TGS1: variants seen among roughly 807,000 people sequenced by gnomAD.
TGS1 encodes trimethylguanosine synthase.
In TGS1, 69 loss-of-function variants were observed where a neutral mutation model predicts 92.2. That is an observed-to-expected ratio of 0.75 (90% CI 0.62 to 0.91). The LOEUF is 0.91. TGS1 is among the 40% of genes least tolerant of loss of function. The pLI, the probability that TGS1 is intolerant of heterozygous loss-of-function variation, is 0.00. For missense variants in TGS1, 1,062 were observed against 1,001.2 expected (o/e 1.06, Z -0.82); for synonymous variants, 345 against 338.1 (o/e 1.02, Z -0.22).
Position 55,816,325 on chromosome 8 carries a change from G to A in TGS1, c.2439+3207G>A, listed in dbSNP as rs1408494657. On this transcript the variant is annotated intron_variant, in intron 12 of 12. Transcript: ENST00000260129. ...AGACAAGGACTTAGTCCTTCCCAAA[G>A]GAAGATGCAGGCAGCAATTATCAAA... 1.3e-5 allele frequency among the ~76,000 whole-genome samples: 2 copies of A among 152,152 alleles called. 1 individual carries two copies. Among genetic ancestry groups the A allele is most frequent in the South Asian group, 4.1e-4 (2 of 4,834 alleles).
chr8:55,775,187 C>G (rs2130087994), intron 1 of TGS1, among the ~76,000 whole-genome samples: 1 of 151,384 alleles, frequency 6.6e-6, no homozygotes, highest in South Asian at 2.1e-4. Context: ...CCAGGAGATC[C>G]AGGCTGCAGT....
intron 3 of TGS1, 55 bp downstream of exon 3, chr8:55,785,946 T>C: frequency 7.0e-7 from 1 of 1,420,532 alleles, no homozygotes; most frequent in Admixed American, 2.0e-5. Flanking sequence ...TTATAAAATA[T>C]CGCAAGGAAT....
rs1241941809 is a variant in TGS1 at position 55,790,370 on chromosome 8, T to C, written c.1280+71T>C. On this transcript the variant is annotated intron_variant, in intron 5 of 12. Coordinates refer to ENST00000260129, the MANE Select transcript of TGS1 (RefSeq NM_024831.8). ...ATTTGTATGCATAAGCCAGTGGTTA[T>C]TAAATGATTGTTATGTTCACAACAC... is the stretch of plus-strand genomic sequence containing the variant. The C allele has an allele frequency of 6.3e-6, 6 of 952,346 alleles. No homozygotes were observed. The Admixed American group carries it at 1.1e-4, about 17-fold the overall frequency. The allele number at this position is 952,346 out of a possible 1,614,324, so 59.0% of individuals were successfully genotyped here. A position where few individuals can be genotyped will look rare whatever the true frequency, so the allele number is the denominator to read the frequency against.
At chr8:55,794,164 C>A (rs1206416748) in intron 6 of TGS1, among the ~76,000 whole-genome samples, 1 of 152,124 alleles carries the variant, frequency 6.6e-6, no homozygotes, top group Admixed American at 6.5e-5. Context: ...ATTACATGTG[C>A]CTGCCTGCCT....
intron 10 of TGS1, among the ~76,000 whole-genome samples, chr8:55,805,745 A>G (rs1812347395): frequency 6.6e-6 from 1 of 152,048 alleles, no homozygotes; most frequent in Non-Finnish European, 1.5e-5. Context: ...TTAGCTGGGC[A>G]TGGTGGCATG....
chr8:55,811,260 C>A (rs12155650), intron 11 of TGS1, among the ~76,000 whole-genome samples, 163 bp downstream of exon 11: 2 of 151,372 alleles, frequency 1.3e-5, no homozygotes, highest in Non-Finnish European at 2.9e-5. Context: ...GTCAGGAGTT[C>A]GAGACCAGCC....
chr8:55,804,188 C>A (rs980318095), intron 9 of TGS1, among the ~76,000 whole-genome samples: 1 of 152,142 alleles, frequency 6.6e-6, no homozygotes, highest in Non-Finnish European at 1.5e-5. Context: ...TGCCTGTAAT[C>A]CCAGCACTTT....
rs1563450277 is a variant in TGS1 at position 55,782,150 on chromosome 8, ATTTATTTATTT to A, written c.102-597_102-587del. 7.5e-3 allele frequency among the ~76,000 whole-genome samples: 1,095 copies of A among 145,914 alleles called. 7 individuals are homozygous for A. Among genetic ancestry groups the A allele is most frequent in the African/African-American group, 0.02 (818 of 40,704 alleles). Reference sequence around the variant, plus strand: ...AGATGTCCAGAAGAACTTACACTTTATTTATTTATTTATTTATTTATTTATTTATTTATTTA... The same window carrying A: ...AGATGTCCAGAAGAACTTACACTTTAATTTATTTATTTATTTATTTATTTA... On this transcript the variant is annotated intron_variant, in intron 1 of 12. Coordinates refer to ENST00000260129, the MANE Select transcript of TGS1 (RefSeq NM_024831.8).
intron 10 of TGS1, among the ~76,000 whole-genome samples, 155 bp downstream of exon 10, chr8:55,805,191 A>G (rs955938917): frequency 2.6e-5 from 4 of 152,212 alleles, no homozygotes; most frequent in Non-Finnish European, 4.4e-5. Context: ...TTAAGCATAT[A>G]CTTTGTATTG....
intron 2 of TGS1, among the ~76,000 whole-genome samples, chr8:55,783,039 C>G (rs976182278): frequency 2.0e-5 from 3 of 152,126 alleles, no homozygotes; most frequent in Admixed American, 6.6e-5. Flanking sequence ...TTAATGTAGC[C>G]TCTTTTGCTG....
chr8:55,816,581 A>G (rs535497209), intron 12 of TGS1, among the ~76,000 whole-genome samples: 2 of 152,314 alleles, frequency 1.3e-5, no homozygotes, highest in Non-Finnish European at 2.9e-5. Context: ...CATGGTATGT[A>G]TCTTACCAAT....
chr8:55,801,979 G>A (rs1300510642), intron 8 of TGS1, among the ~76,000 whole-genome samples: 1 of 152,158 alleles, frequency 6.6e-6, no homozygotes, highest in Non-Finnish European at 1.5e-5. Flanking sequence ...TGGATCACAA[G>A]CTCGGGAGAT....
intron 6 of TGS1, among the ~76,000 whole-genome samples, chr8:55,795,539 T>G (rs1323414885): frequency 6.6e-6 from 1 of 151,972 alleles, no homozygotes; most frequent in Non-Finnish European, 1.5e-5. Flanking sequence ...ATACGAAGGG[T>G]TCGCTTCTTT....
At chr8:55,809,038 A>G (rs16922269) in intron 10 of TGS1, among the ~76,000 whole-genome samples, 7,971 of 152,338 alleles carry the variant, frequency 0.052, 230 homozygotes, top group East Asian at 0.081. Flanking sequence ...TGAGTTCCCT[A>G]TCATAATGTA....
In TGS1 at chr8:55,795,695, C is replaced by CTATT. The variant is rs1347964126; in HGVS notation, c.1368-274_1368-271dup. ...TTCGTTTGTTTGTTTGTTTGTTTTA[C>CTATT]TATTTATTTATTGCAGTCTACTATG... On this transcript the variant is annotated intron_variant, in intron 6 of 12. Transcript: ENST00000260129. Among the ~76,000 whole-genome samples the CTATT allele has an allele frequency of 3.3e-5, 5 of 152,112 alleles. No homozygotes were observed. The South Asian group carries it at 1.0e-3, about 32-fold the overall frequency.
At chr8:55,783,877 C>G (rs1362398530) in intron 2 of TGS1, among the ~76,000 whole-genome samples, 1 of 152,176 alleles carries the variant, frequency 6.6e-6, no homozygotes, top group Admixed American at 6.5e-5. Flanking sequence ...CTAGGCTCCT[C>G]GAGCATAAGA....
At chr8:55,804,065 A>G (rs1175012862) in intron 9 of TGS1, among the ~76,000 whole-genome samples, 2 of 152,184 alleles carry the variant, frequency 1.3e-5, no homozygotes, top group East Asian at 3.9e-4. Context: ...GACAATGATG[A>G]GGGCTCTGCT....
rs1021522808 is a variant in TGS1 at position 55,773,627 on chromosome 8, C to T, written c.9C>T (p.Cys3=). Residue 3 remains cysteine, a synonymous_variant, in exon 1 of 13, where the codon TGC becomes TGT. Transcript: ENST00000260129. The part of the protein sequence containing the change: MC[C]EKWSRVAEMF... ...GCCTCCGAAGTGGTAAAATGTGCTG[C>T]GAGAAGTGGAGCCGCGTGGCGGAAA... The T allele has an allele frequency of 6.2e-7, 1 of 1,610,574 alleles. No individual in the cohort carries two copies. The highest frequency in any genetic ancestry group is 8.5e-7 in the Non-Finnish European group (1 of 1,178,662).
intron 5 of TGS1, among the ~76,000 whole-genome samples, chr8:55,791,375 A>G (rs1248345576): frequency 6.6e-6 from 1 of 152,248 alleles, no homozygotes; most frequent in Non-Finnish European, 1.5e-5. Context: ...ATACAGGAAC[A>G]TGTGCCTGAC....
Sources: allele counts gnomAD v4.1 joint callset (sites outside exome capture counted in the v4.1 genomes callset), GRCh38; gene constraint gnomAD v4.1.1; transcripts MANE v1.5; gene names NCBI Gene and HGNC (gene_info 2026-07-23, HGNC 2026-07-21).